Variants in RRBP1 observed in about 807,000 individuals in gnomAD.
RRBP1 encodes the protein ribosome binding protein 1, also known as ribosome-binding protein 1.
Under a neutral mutation model 165.2 loss-of-function variants are expected in RRBP1, and 94 were observed. The ratio of observed to expected loss-of-function variants is 0.57; its 90% CI spans 0.48 to 0.68. The LOEUF is 0.68. Ranked by LOEUF, RRBP1 falls within the 30% of genes least tolerant of loss-of-function variation. RRBP1 has a pLI of 0.00. For synonymous variants in RRBP1, 680 were observed against 714.5 expected, an observed-to-expected ratio of 0.95 and a Z score of 0.77; for missense variants, 1,676 against 1,763.0, an observed-to-expected ratio of 0.95 and a Z score of 0.88.
Position 17,641,825 on chromosome 20 carries a change from G to C in RRBP1, c.2156C>G (p.Ala719Gly). Residue 719 changes from alanine (A) to glycine (G), a missense_variant, in exon 5 of 25, where the codon GCC becomes GGC. Physicochemically the swap from Ala to Gly is moderately conservative, Grantham distance 60 (BLOSUM62 0). Transcript: ENST00000377813. ...LATEQEDAAV[A>G]KSKLRELNKE... Reference sequence around the variant, plus strand: ...GTTGAGCTCCCTCAGTTTGCTCTTGGCGACAGCCGCATCTTCCTGTTCTGT... The same window carrying C: ...GTTGAGCTCCCTCAGTTTGCTCTTGCCGACAGCCGCATCTTCCTGTTCTGT... 6.2e-7 allele frequency: 1 copy of C among 1,613,602 alleles called. No homozygotes were observed.
intron 20 of RRBP1, among the ~76,000 whole-genome samples, chr20:17,618,267 T>A (rs1247834141): frequency 6.6e-6 from 1 of 152,114 alleles, no homozygotes; most frequent in African/African-American, 2.4e-5. Context: ...GGGACTGCAA[T>A]ATCCCTGACG....
At chr20:17,681,940 T>G (rs2037200944) in intron 1 of RRBP1, 88 bp downstream of exon 1, 1 of 145,684 alleles carries the variant, frequency 6.9e-6, no homozygotes, top group African/African-American at 2.5e-5. Flanking sequence ...CGAGGAGACG[T>G]GTCACTCGCG....
In RRBP1 at chr20:17,659,626, C is replaced by G. The variant is rs372607941; in HGVS notation, c.882G>C (p.Gly294=). 6.5e-7 allele frequency: 1 copy of G among 1,549,566 alleles called. No homozygotes were observed. Among genetic ancestry groups the G allele is most frequent in the African/African-American group, 1.4e-5 (1 of 72,630 alleles). The change falls in exon 3 of 25, where the codon GGG becomes GGC. Residue 294 remains glycine, a synonymous_variant. Transcript: ENST00000377813. ...CTACCTTTTTGGCCTGGTTCTGAGC[C>G]CCCTCGGCCTTTCTGCCCTGGGTTG... ...GAPTQGRKAE[G]AQNQAKKVEG...
intron 2 of RRBP1, among the ~76,000 whole-genome samples, chr20:17,676,960 C>G (rs1038568854): frequency 1.3e-5 from 2 of 151,904 alleles, no homozygotes; most frequent in Admixed American, 1.3e-4. Flanking sequence ...GTTGCCCAGG[C>G]TGGTCTCAAA....
intron 2 of RRBP1, among the ~76,000 whole-genome samples, chr20:17,678,066 G>C (rs753490700): frequency 2.0e-5 from 3 of 152,196 alleles, no homozygotes; most frequent in Non-Finnish European, 4.4e-5. Context: ...GCTGCCCATT[G>C]TTGACAGGTG....
Position 17,659,868 on chromosome 20 carries a change from C to G in RRBP1, c.640G>C (p.Gly214Arg). Residue 214 changes from glycine (G) to arginine (R), a missense_variant, in exon 3 of 25, where the codon GGA (glycine) becomes CGA (arginine). Physicochemically the swap from Gly to Arg is moderately radical, Grantham distance 125. Transcript: ENST00000377813. ...GTQNQSKKAE[G>R]APNQGRKAEG... Reference sequence around the variant, plus strand: ...GCCTTTCTGCCCTGGTTTGGGGCTCCTTCAGCCTTTTTGCTTTGATTCTGA... The same window carrying G: ...GCCTTTCTGCCCTGGTTTGGGGCTCGTTCAGCCTTTTTGCTTTGATTCTGA... The G allele has an allele frequency of 6.4e-7, 1 of 1,551,934 alleles. No individual in the cohort carries two copies. The highest frequency in any genetic ancestry group is 8.7e-7 in the Non-Finnish European group (1 of 1,147,126).
At position 17,633,484 on chromosome 20, in the gene RRBP1, G is replaced by A. The variant is rs752565485; in HGVS notation, c.2586C>T (p.Phe862=). ...CCTGCAGCTGCAGGACCTGCTTCTC[G>A]AAGGCAGCTGCCTTGGCTTCCAGAG... ...RKALEAKAAA[F]EKQVLQLQAS... Residue 862 remains phenylalanine (F), a synonymous_variant, in exon 8 of 25, where the codon TTC becomes TTT. Transcript: ENST00000377813. 14 of 1,613,810 alleles carry A rather than the reference G, an allele frequency of 8.7e-6. No homozygotes were observed. The East Asian group carries it at 1.1e-4, about 13-fold the overall frequency.
chr20:17,615,132 G>A (rs949928777), intron 23 of RRBP1, among the ~76,000 whole-genome samples: 92 of 152,200 alleles, frequency 6.0e-4, no homozygotes, highest in African/African-American at 2.2e-3. Context: ...ACTGTCCAAG[G>A]CAGCACAGGA....
intron 2 of RRBP1, among the ~76,000 whole-genome samples, chr20:17,672,113 G>C (rs1029532660): frequency 1.3e-5 from 2 of 152,180 alleles, no homozygotes; most frequent in East Asian, 3.8e-4. Flanking sequence ...GGAATATCCC[G>C]ACACTGCCAA....
chr20:17,641,285 C>T (rs1009538115), intron 5 of RRBP1, among the ~76,000 whole-genome samples: 7 of 152,252 alleles, frequency 4.6e-5, no homozygotes, highest in African/African-American at 7.2e-5. Flanking sequence ...CCACGCCATC[C>T]GCTGATACGG....
At position 17,672,652 on chromosome 20, in the gene RRBP1, C is replaced by T. The variant is rs556798723; in HGVS notation, c.-22+7347G>A. ...GCCGAGCACCTACCTCCTTCTGGTCCTGCAATTCTACTCCTAGGTATACAG... is the reference window on the plus strand; with the variant it reads ...GCCGAGCACCTACCTCCTTCTGGTCTTGCAATTCTACTCCTAGGTATACAG... On this transcript the variant is annotated intron_variant, in intron 2 of 24. Coordinates refer to ENST00000377813, the MANE Select transcript of RRBP1 (RefSeq NM_001365613.2). 2.6e-5 allele frequency among the ~76,000 whole-genome samples: 4 copies of T among 152,324 alleles called. No homozygotes were observed. The South Asian group carries it at 8.3e-4, about 32-fold the overall frequency.
chr20:17,667,308 C>T (rs1486269071), intron 2 of RRBP1, among the ~76,000 whole-genome samples: 1 of 152,146 alleles, frequency 6.6e-6, no homozygotes, highest in African/African-American at 2.4e-5. Flanking sequence ...TACAATTTAA[C>T]AACATCAATT....
chr20:17,656,672 C>A (rs1453683444), intron 3 of RRBP1, among the ~76,000 whole-genome samples: 1 of 152,148 alleles, frequency 6.6e-6, no homozygotes, highest in Non-Finnish European at 1.5e-5. Flanking sequence ...CTTCTAAAAT[C>A]CACTGTAAAA....
Position 17,633,536 on chromosome 20 carries a change from A to G in RRBP1, c.2534T>C (p.Val845Ala). The G allele has an allele frequency of 6.2e-7, 1 of 1,614,016 alleles. No individual in the cohort carries two copies. The highest frequency in any genetic ancestry group is 2.2e-5 in the East Asian group (1 of 44,886). Residue 845 changes from valine (V) to alanine (A), a missense_variant, in exon 8 of 25, where the codon GTG (valine) becomes GCG (alanine). Val to Ala is a moderately conservative substitution (Grantham distance 64). This residue lies in a region of RRBP1 where 1,184 missense variants were observed against 1,167.1 expected (regional missense o/e 1.01). Coordinates refer to ENST00000377813, the MANE Select transcript of RRBP1 (RefSeq NM_001365613.2). ...TTTCCGCTGCTGCTCATCTTGCCGC[A>G]CAGCCTCTGACTTCTCCACCAGCTC... ...SKELVEKSEAVRQDEQQRKAL... is the reference protein window; with the variant it reads ...SKELVEKSEAARQDEQQRKAL...
chr20:17,625,485 G>A (rs780748971), intron 12 of RRBP1, 27 bp downstream of exon 12: 27 of 1,605,104 alleles, frequency 1.7e-5, no homozygotes, highest in African/African-American at 2.7e-5. Flanking sequence ...TGGCCCGTCC[G>A]TCCCCGCCTG....
chr20:17,656,221 T>C (rs2036643262), intron 3 of RRBP1, among the ~76,000 whole-genome samples: 1 of 152,202 alleles, frequency 6.6e-6, no homozygotes, highest in Non-Finnish European at 1.5e-5. Flanking sequence ...CTGCCGACAC[T>C]GTGAAGAAGA....
At position 17,630,025 on chromosome 20, in the gene RRBP1, C is replaced by T. The variant is rs756531300; in HGVS notation, c.2611-64G>A. 3.9e-6 allele frequency: 6 copies of T among 1,525,376 alleles called. No individual in the cohort carries two copies. In the African/African-American group the frequency reaches 6.8e-5, roughly 17 times the overall value. 94.5% of individuals were successfully genotyped at this position (1,525,376 alleles called of 1,614,324 possible). On this transcript the variant is annotated intron_variant, in intron 8 of 24. Transcript: ENST00000377813. ...AAGGACCAGGCCCTCAGCGGCTCTG[C>T]GGTGGAGGCGGACAGAGCTCTTTAC...
At chr20:17,635,816 C>T (rs1000802942) in intron 6 of RRBP1, 152 bp from the exon 7 acceptor site, 1 of 683,030 alleles carries the variant, frequency 1.5e-6, no homozygotes, top group Non-Finnish European at 2.5e-6. Context: ...TCCCATAAAA[C>T]AAGAGGCCTG....
chr20:17,650,253 G>A (rs2036531200), intron 3 of RRBP1, among the ~76,000 whole-genome samples: 1 of 152,188 alleles, frequency 6.6e-6, no homozygotes, highest in Admixed American at 6.5e-5. Flanking sequence ...CCCAAAGGTG[G>A]CCTCTTTTTC....
Sources: gnomAD v4.1 joint callset for allele counts (sites outside exome capture counted in the v4.1 genomes callset) on GRCh38, gnomAD v4.1.1 for gene constraint, gnomAD v4.1.1 regional missense constraint, MANE v1.5 for transcripts, NCBI Gene and HGNC (gene_info 2026-07-23, HGNC 2026-07-21) for gene names.